The following USP9Y variants were observed in gnomAD, a reference collection of about 807,000 sequenced individuals.
USP9Y encodes ubiquitin specific peptidase 9 Y-linked, also known as ubiquitin carboxyl-terminal hydrolase 9Y.
Under a neutral mutation model 53.1 loss-of-function variants are expected in USP9Y, and 41 were observed. The ratio of observed to expected loss-of-function variants is 0.77; its 90% CI spans 0.60 to 1.00. USP9Y has a LOEUF of 1.00. USP9Y is among the 50% of genes least tolerant of loss of function. The pLI is 0.00. For synonymous variants in USP9Y, 220 were observed against 173.7 expected (o/e 1.27, Z -2.09); for missense variants, 567 against 535.8 (o/e 1.06, Z -0.58).
At chrY:12,824,406 GT>G (rs2053544359) in intron 33 of USP9Y, among the ~76,000 whole-genome samples, 2 of 32,792 alleles carry the variant, frequency 6.1e-5, no homozygotes, top group Non-Finnish European at 1.5e-4. Context: ...GTGTTACATA[GT>G]TTTGCAAGAT....
intron 1 of USP9Y, among the ~76,000 whole-genome samples, chrY:12,703,651 G>A (rs755596503): frequency 3.0e-5 from 1 of 33,656 alleles, no homozygotes; most frequent in South Asian, 6.8e-4. Context: ...TGTGAAGAGC[G>A]AAAGAACAAA....
intron 42 of USP9Y, among the ~76,000 whole-genome samples, chrY:12,855,094 A>G (rs2148293447): frequency 2.9e-5 from 1 of 33,910 alleles, no homozygotes; most frequent in East Asian, 7.7e-4. Flanking sequence ...AAGTTGTATT[A>G]TAAATGTCTC....
At chrY:12,825,888 ATTTTCTTTTCTTTTC>A (rs779137918) in intron 33 of USP9Y, among the ~76,000 whole-genome samples, 694 of 16,377 alleles carry the variant, frequency 0.042, no homozygotes, top group South Asian at 0.27. Context: ...TAAACAGTAT[ATTTTCTTTTCTTTTC>A]TTTTCTTTTC....
chrY:12,732,455 G>A, intron 7 of USP9Y, among the ~76,000 whole-genome samples: 1 of 33,091 alleles, frequency 3.0e-5, no homozygotes, highest in Non-Finnish European at 7.4e-5. Flanking sequence ...TGATTCCCCC[G>A]CCTCAGGATT....
intron 1 of USP9Y, among the ~76,000 whole-genome samples, chrY:12,705,457 G>A (rs2053418743): frequency 3.2e-5 from 1 of 30,867 alleles, no homozygotes; most frequent in Non-Finnish European, 7.9e-5. Context: ...ATGTCTAATT[G>A]TTTTATTGTT....
chrY:12,859,315 G>A lies in USP9Y; in HGVS notation c.7567G>A (p.Ala2523Thr), dbSNP rs747305998. The stretch of plus-strand genomic sequence containing the variant: ...ACATGGACAGCCATATACAGGACCA[G>A]CAGCACATCACTTGAACAACCCTCA... The part of the protein sequence containing the change: ...HVHGQPYTGP[A>T]AHHLNNPQKT... The change falls in exon 46 of 46, where the codon GCA becomes ACA. Residue 2523 changes from alanine (A) to threonine (T), a missense_variant. By Grantham distance (58) the Ala-to-Thr change is moderately conservative. Transcript: ENST00000338981. 4 of 395,747 alleles carry A rather than the reference G, an allele frequency of 1.0e-5. No homozygotes were observed. Among genetic ancestry groups the A allele is most frequent in the Non-Finnish European group, 7.1e-6 (2 of 282,758 alleles).
intron 3 of USP9Y, among the ~76,000 whole-genome samples, chrY:12,717,173 G>A (rs2053431542): frequency 3.1e-5 from 1 of 32,322 alleles, no homozygotes; most frequent in African/African-American, 1.2e-4. Context: ...GCTGGTGAGC[G>A]AGCATTACCA....
intron 31 of USP9Y, among the ~76,000 whole-genome samples, chrY:12,814,300 G>T: frequency 3.4e-5 from 1 of 29,776 alleles, no homozygotes; most frequent in Non-Finnish European, 8.1e-5. Context: ...AGGCCGAGGC[G>T]GGCGGATCAC....
intron 29 of USP9Y, 109 bp from the exon 30 acceptor site, chrY:12,811,526 G>T: frequency 3.8e-6 from 1 of 266,500 alleles, no homozygotes; most frequent in Non-Finnish European, 5.8e-6. Context: ...ACAGTTTGGG[G>T]AAGTTGTATA....
At position 12,833,787 on chromosome Y, in the gene USP9Y, A is replaced by C; in HGVS notation, c.5121A>C (p.Gly1707=). The change falls in exon 34 of 46, where the codon GGA becomes GGC. Residue 1707 remains glycine, a synonymous_variant. Transcript: ENST00000338981. ...TAGATGAAGCTTTAAAAGCTTTAGG[A>C]CACCCGGCTATACTAAGTAAAGTCC... The part of the protein sequence containing the change: ...DSLDEALKAL[G]HPAILSKVLG... 2.5e-6 allele frequency: 1 copy of C among 398,196 alleles called. No homozygotes were observed. Among genetic ancestry groups the C allele is most frequent in the South Asian group, 3.0e-5 (1 of 33,718 alleles).
At chrY:12,821,935 G>A in intron 33 of USP9Y, among the ~76,000 whole-genome samples, 1 of 34,282 alleles carries the variant, frequency 2.9e-5, no homozygotes, top group African/African-American at 1.1e-4. Context: ...GCCTCCCAAA[G>A]TGCTGGTATT....
At position 12,786,209 on chromosome Y, in the gene USP9Y, C is replaced by A; in HGVS notation, c.3158C>A (p.Thr1053Lys). Residue 1053 changes from threonine (T) to lysine (K), a missense_variant, in exon 23 of 46, where the codon ACA becomes AAA. Physicochemically the swap from Thr to Lys is moderately conservative, Grantham distance 78. Coordinates refer to ENST00000338981, the MANE Select transcript of USP9Y (RefSeq NM_004654.4). ...VLMKLMPPDR[T>K]AVEKLRAVCL... is the part of the protein sequence containing the mutation. ...GTGTCTTTTTCCTTTGCAGATAGAACAGCTGTAGAAAAATTACGAGCTGTT... is the reference window on the plus strand; with the variant it reads ...GTGTCTTTTTCCTTTGCAGATAGAAAAGCTGTAGAAAAATTACGAGCTGTT... The A allele has an allele frequency of 2.5e-6, 1 of 398,104 alleles. No individual in the cohort carries two copies. Among genetic ancestry groups the A allele is most frequent in the Non-Finnish European group, 3.5e-6 (1 of 283,082 alleles).
In USP9Y at chrY:12,857,624, C is replaced by G. The variant is rs766658730; in HGVS notation, c.7493C>G (p.Pro2498Arg). 2.0e-4 allele frequency: 76 copies of G among 384,293 alleles called. No homozygotes were observed. The highest frequency in any genetic ancestry group is 2.8e-4 in the Non-Finnish European group (76 of 276,182). ...GAGCCCTCTCCATCAGAAGATGCCC[C>G]ATTATATCCTCATTCACCTGCCTCT... ...EHEPSPSEDA[P>R]LYPHSPASQY... The change falls in exon 45 of 46, where the codon CCA becomes CGA. Residue 2498 changes from proline (P) to arginine (R), a missense_variant. Transcript: ENST00000338981.
intron 7 of USP9Y, among the ~76,000 whole-genome samples, chrY:12,729,864 C>T (rs2148281049): frequency 3.0e-5 from 1 of 33,578 alleles, no homozygotes; most frequent in East Asian, 7.7e-4. Flanking sequence ...GTGCACTTGA[C>T]GAGAATGTTT....
chrY:12,757,329 T>C lies in USP9Y; in HGVS notation c.1560T>C (p.Asp520=). Residue 520 remains aspartate, a synonymous_variant, in exon 13 of 46, where the codon GAT becomes GAC. Coordinates refer to ENST00000338981, the MANE Select transcript of USP9Y (RefSeq NM_004654.4). ...NLLWNLAQSD[D]VPVDIMDLAL... ...TTTGGAACCTGGCTCAGAGTGATGA[T>C]GTGCCTGTAGACATCATGGACCTTG... 2.5e-6 allele frequency: 1 copy of C among 398,536 alleles called. No individual in the cohort carries two copies. The highest frequency in any genetic ancestry group is 3.5e-6 in the Non-Finnish European group (1 of 283,491).
chrY:12,813,751 G>A, intron 31 of USP9Y, among the ~76,000 whole-genome samples: 1 of 34,184 alleles, frequency 2.9e-5, no homozygotes, highest in Non-Finnish European at 7.3e-5. Context: ...CATTGTAGGA[G>A]TTTCTAGCTA....
Position 12,735,698 on chromosome Y carries a change from A to G in USP9Y, c.744A>G (p.Leu248=). 1 of 384,487 alleles carries G rather than the reference A, an allele frequency of 2.6e-6. No homozygotes were observed. Among genetic ancestry groups the G allele is most frequent in the Non-Finnish European group, 3.7e-6 (1 of 271,761 alleles). The change falls in exon 8 of 46, where the codon TTA becomes TTG. Residue 248 remains leucine (L), a synonymous_variant. Coordinates refer to ENST00000338981, the MANE Select transcript of USP9Y (RefSeq NM_004654.4). ...LHDRFFNGSA[L]NIQIIAALIK... Reference sequence around the variant, plus strand: ...ATCGTTTTTTTAATGGATCAGCATTAAATATTCAAATAATTGCAGCTCTTA... The same window carrying G: ...ATCGTTTTTTTAATGGATCAGCATTGAATATTCAAATAATTGCAGCTCTTA...
At position 12,758,510 on chromosome Y, in the gene USP9Y, G is replaced by A; in HGVS notation, c.1634G>A (p.Arg545Gln). 4 of 384,762 alleles carry A rather than the reference G, an allele frequency of 1.0e-5. No homozygotes were observed. The highest frequency in any genetic ancestry group is 7.3e-6 in the Non-Finnish European group (2 of 275,068). Residue 545 changes from arginine (R) to glutamine (Q), a missense_variant, in exon 14 of 46, where the codon CGA becomes CAA. By Grantham distance (43) the Arg-to-Gln change is conservative (BLOSUM62 1). Coordinates refer to ENST00000338981, the MANE Select transcript of USP9Y (RefSeq NM_004654.4). ...TAAATTTTTTTCATGTATAAGGATC[G>A]AGATGCACAGAAGATCCAGTGGATA... Reference protein sequence around the residue: ...KILDYSCSQDRDAQKIQWIDH... With the variant: ...KILDYSCSQDQDAQKIQWIDH...
Position 12,838,047 on chromosome Y carries a change from A to G in USP9Y, c.5332A>G (p.Lys1778Glu). 2.7e-6 allele frequency: 1 copy of G among 376,597 alleles called. No homozygotes were observed. The highest frequency in any genetic ancestry group is 3.8e-6 in the Non-Finnish European group (1 of 264,950). The allele number at this position is 376,597 out of a possible 400,897, so 93.9% of individuals were successfully genotyped here. A position where few individuals can be genotyped will look rare whatever the true frequency, so the allele number is the denominator to read the frequency against. The change falls in exon 35 of 46, where the codon AAA becomes GAA. Residue 1778 changes from lysine (K) to glutamate (E), a missense_variant. Coordinates refer to ENST00000338981, the MANE Select transcript of USP9Y (RefSeq NM_004654.4). ...ANAYHCEKCD[K>E]KVDTVKRLLI... Reference sequence around the variant, plus strand: ...TGCATATCATTGTGAAAAATGTGATAAAAAGGTATTTTTTTTTACTTTTGA... The same window carrying G: ...TGCATATCATTGTGAAAAATGTGATGAAAAGGTATTTTTTTTTACTTTTGA...
Sources: gnomAD v4.1 joint callset for allele counts (sites outside exome capture counted in the v4.1 genomes callset) on GRCh38, gnomAD v4.1.1 for gene constraint, MANE v1.5 for transcripts, NCBI Gene and HGNC (gene_info 2026-07-23, HGNC 2026-07-21) for gene names.